Variants in SPINK5 observed in about 807,000 individuals in gnomAD.
SPINK5 encodes the protein serine peptidase inhibitor Kazal type 5.
SPINK5 carries 125 observed loss-of-function variants against 151.8 expected under a neutral mutation model. The observed-to-expected ratio is 0.82, with a 90% CI of 0.71 to 0.96. The LOEUF (loss-of-function observed/expected upper bound fraction) is 0.96, where lower values mean the gene tolerates loss of function less well. SPINK5 is among the 40% of genes least tolerant of loss of function. The probability of loss-of-function intolerance (pLI) is 0.00; values close to 1 mark genes in which losing one functional copy is unlikely to be tolerated. For synonymous variants in SPINK5, 374 were observed against 395.3 expected, an observed-to-expected ratio of 0.95 and a Z score of 0.64; for missense variants, 1,194 against 1,291.9, an observed-to-expected ratio of 0.92 and a Z score of 1.16.
chr5:148,079,248 C>A (rs1752959305), intron 4 of SPINK5, among the ~76,000 whole-genome samples: 1 of 150,920 alleles, frequency 6.6e-6, no homozygotes, highest in African/African-American at 2.4e-5. Flanking sequence ...TCATAATAGA[C>A]TTACAGCATA....
At chr5:148,112,154 A>G (rs1753951361) in intron 19 of SPINK5, among the ~76,000 whole-genome samples, 1 of 152,212 alleles carries the variant, frequency 6.6e-6, no homozygotes, top group African/African-American at 2.4e-5. Flanking sequence ...AGTTAATGGC[A>G]TAAAAGGATT....
intron 6 of SPINK5, chr5:148,088,955 C>T: frequency 6.3e-6 from 3 of 478,142 alleles, no homozygotes; most frequent in Non-Finnish European, 1.2e-5. Flanking sequence ...GTTTGGAGAC[C>T]TTGGACAAAT....
At chr5:148,094,594 A>G (rs1753407512) in intron 9 of SPINK5, 113 bp downstream of exon 9, 6 of 1,571,296 alleles carry the variant, frequency 3.8e-6, no homozygotes. Context: ...GAACCATCTG[A>G]GCAGTTTTAT....
Position 148,137,146 on chromosome 5 carries a change from G to T in SPINK5, c.*155G>T, listed in dbSNP as rs1378886519. The T allele has an allele frequency of 1.0e-5, 10 of 976,148 alleles. No homozygotes were observed. The highest frequency in any genetic ancestry group is 1.9e-5 in the Admixed American group (1 of 52,710). 60.5% of individuals were successfully genotyped at this position (976,148 alleles called of 1,614,324 possible). A position where few individuals can be genotyped will look rare whatever the true frequency, so the allele number is the denominator to read the frequency against. Reference sequence around the variant, plus strand: ...TTGGGAATGGACTCACTGATTTTCAGTCTTTTCCATCTCTTTCCTCCTAGA... The same window carrying T: ...TTGGGAATGGACTCACTGATTTTCATTCTTTTCCATCTCTTTCCTCCTAGA... On this transcript the variant is annotated 3_prime_UTR_variant, in exon 33 of 33. Coordinates refer to ENST00000256084, the MANE Select transcript of SPINK5 (RefSeq NM_006846.4).
At chr5:148,084,987 T>A (rs1753115597) in intron 4 of SPINK5, among the ~76,000 whole-genome samples, 1 of 151,834 alleles carries the variant, frequency 6.6e-6, no homozygotes, top group Non-Finnish European at 1.5e-5. Context: ...TCTCTCTCTC[T>A]TTTTTATTTT....
At chr5:148,072,001 C>T in intron 3 of SPINK5, 147 bp from the exon 4 acceptor site, 1 of 703,182 alleles carries the variant, frequency 1.4e-6, no homozygotes, top group Non-Finnish European at 2.6e-6. Flanking sequence ...ATCTGGGGTT[C>T]TGTGTCCACT....
chr5:148,100,538 G>A lies in SPINK5; in HGVS notation c.1177G>A (p.Gly393Arg). ...GAACGATCCTATCCAGGGCCCAGAT[G>A]GGAAAGTGCATGGCAACACCTGCTC... Reference protein sequence around the residue: ...RENDPIQGPDGKVHGNTCSMC... With the variant: ...RENDPIQGPDRKVHGNTCSMC... The change falls in exon 13 of 33, where the codon GGG becomes AGG. Residue 393 changes from glycine (G) to arginine (R), a missense_variant. Physicochemically the swap from Gly to Arg is moderately radical, Grantham distance 125. Transcript: ENST00000256084. 6.2e-7 allele frequency: 1 copy of A among 1,613,220 alleles called. No homozygotes were observed. Among genetic ancestry groups the A allele is most frequent in the South Asian group, 1.1e-5 (1 of 91,042 alleles).
chr5:148,109,536 A>G (rs1753866883), intron 18 of SPINK5, among the ~76,000 whole-genome samples: 2 of 150,438 alleles, frequency 1.3e-5, no homozygotes, highest in South Asian at 4.2e-4. Flanking sequence ...GATACAAATA[A>G]TATCATATAT....
Position 148,120,145 on chromosome 5 carries a change from G to A in SPINK5, c.2441+9G>A. The A allele has an allele frequency of 1.9e-6, 3 of 1,614,098 alleles. No individual in the cohort carries two copies. Among genetic ancestry groups the A allele is most frequent in the Non-Finnish European group, 2.5e-6 (3 of 1,179,980 alleles). ...ATGTGTAAGGAAAAACTGTGAGTAT[G>A]TTTCAAAATGAGCTTTTGACTGTGA... On this transcript the variant is annotated intron_variant, in intron 25 of 32. Coordinates refer to ENST00000256084, the MANE Select transcript of SPINK5 (RefSeq NM_006846.4).
intron 28 of SPINK5, 75 bp downstream of exon 28, chr5:148,124,912 G>T (rs2113214959): frequency 1.4e-6 from 2 of 1,394,376 alleles, no homozygotes; most frequent in South Asian, 3.7e-5. Flanking sequence ...TCCAGCTTTG[G>T]GAATAATAAA....
At chr5:148,116,558 G>A (rs1754098687) in intron 22 of SPINK5, 92 bp downstream of exon 22, 1 of 1,275,932 alleles carries the variant, frequency 7.8e-7, no homozygotes, top group Non-Finnish European at 1.1e-6. Context: ...GGTAAAGGCA[G>A]TGCTAAGTCC....
rs1754450972 is a variant in SPINK5 at position 148,127,059 on chromosome 5, C to T, written c.2944C>T (p.Pro982Ser). ...TAGAGCTTCTCAAGAGGAAGACAGC[C>T]CAGACTCTTTCAGTTCTCTGGTAAG... ...HVRASQEEDS[P>S]DSFSSLDSEM... The change falls in exon 30 of 33, where the codon CCA becomes TCA. Residue 982 changes from proline to serine, a missense_variant. Coordinates refer to ENST00000256084, the MANE Select transcript of SPINK5 (RefSeq NM_006846.4). 1 of 1,613,212 alleles carries T rather than the reference C, an allele frequency of 6.2e-7. No homozygotes were observed. The highest frequency in any genetic ancestry group is 8.5e-7 in the Non-Finnish European group (1 of 1,179,596).
At chr5:148,066,857 T>G (rs2127184645) in intron 2 of SPINK5, among the ~76,000 whole-genome samples, 1 of 152,266 alleles carries the variant, frequency 6.6e-6, no homozygotes, top group Non-Finnish European at 1.5e-5. Flanking sequence ...AAAAACAAAT[T>G]TAGTGACTTC....
chr5:148,101,807 C>T lies in SPINK5; in HGVS notation c.1329C>T (p.Ser443=). 4 of 1,613,686 alleles carry T rather than the reference C, an allele frequency of 2.5e-6. No individual in the cohort carries two copies. Among genetic ancestry groups the T allele is most frequent in the Non-Finnish European group, 3.4e-6 (4 of 1,179,748 alleles). ...FEELCSEYRK[S]RKNGRLFCTR... Reference sequence around the variant, plus strand: ...AGTTGTGTAGTGAATACCGCAAATCCAGGAAAAACGGACGGCTTTTTTGCA... The same window carrying T: ...AGTTGTGTAGTGAATACCGCAAATCTAGGAAAAACGGACGGCTTTTTTGCA... Residue 443 remains serine (S), a synonymous_variant, in exon 15 of 33, where the codon TCC becomes TCT. Coordinates refer to ENST00000256084, the MANE Select transcript of SPINK5 (RefSeq NM_006846.4).
At chr5:148,099,634 TTC>T (rs1182494702) in intron 12 of SPINK5, among the ~76,000 whole-genome samples, 21 of 152,232 alleles carry the variant, frequency 1.4e-4, no homozygotes, top group African/African-American at 4.6e-4. Flanking sequence ...ACATATGAGT[TTC>T]TGATATTTCA....
chr5:148,076,679 G>A (rs536973266), intron 4 of SPINK5, among the ~76,000 whole-genome samples: 82 of 151,314 alleles, frequency 5.4e-4, no homozygotes, highest in Non-Finnish European at 1.1e-3. Context: ...ATGTATTCAG[G>A]ATACTAAAAA....
intron 29 of SPINK5, 43 bp downstream of exon 29, chr5:148,125,893 C>G (rs1220833193): frequency 6.2e-7 from 1 of 1,613,440 alleles, no homozygotes; most frequent in Non-Finnish European, 8.5e-7. Context: ...AGCAGGGGAA[C>G]TGCATTTTTA....
chr5:148,112,777 A>C, intron 19 of SPINK5, 91 bp from the exon 20 acceptor site: 1 of 1,578,988 alleles, frequency 6.3e-7, no homozygotes, highest in Non-Finnish European at 8.6e-7. Context: ...GTATAGAAGT[A>C]ATGGACCATT....
chr5:148,100,281 T>C (rs1466293348), intron 12 of SPINK5, among the ~76,000 whole-genome samples, 173 bp from the exon 13 acceptor site: 2 of 152,162 alleles, frequency 1.3e-5, no homozygotes, highest in African/African-American at 4.8e-5. Flanking sequence ...TCCTATCTCT[T>C]GGCATATGAT....
Sources: allele counts gnomAD v4.1 joint callset (sites outside exome capture counted in the v4.1 genomes callset), GRCh38; gene constraint gnomAD v4.1.1; transcripts MANE v1.5; gene names NCBI Gene and HGNC (gene_info 2026-07-23, HGNC 2026-07-21).